The following GPRC6A variants were observed in gnomAD, a reference collection of about 807,000 sequenced individuals.
The protein encoded by GPRC6A is G protein-coupled receptor class C group 6 member A, also known as G protein-coupled receptor family C group 6 member A.
Under a neutral mutation model 47.0 loss-of-function variants are expected in GPRC6A, and 54 were observed. That is an observed-to-expected ratio of 1.15 (90% CI 0.92 to 1.44). GPRC6A has a LOEUF of 1.44. GPRC6A is among the 40% of genes most tolerant of loss of function. The pLI is 0.00. For missense variants in GPRC6A, 1,112 were observed against 1,105.5 expected (o/e 1.01, Z -0.08); for synonymous variants, 347 against 377.1 (o/e 0.92, Z 0.93).
Position 116,820,674 on chromosome 6 carries a change from A to G in GPRC6A, c.194+8146T>C, listed in dbSNP as rs922673287. ...AATTCAACAACCCTTCATGCTAAAA[A>G]CTCTCAATAAATTAGGTATTGATGT... On this transcript the variant is annotated intron_variant, in intron 1 of 5. Transcript: ENST00000310357. Among the ~76,000 whole-genome samples, 23 of 151,542 alleles carry G rather than the reference A, an allele frequency of 1.5e-4. 1 individual carries two copies. Among genetic ancestry groups the G allele is most frequent in the Admixed American group, 1.2e-3 (18 of 15,182 alleles).
chr6:116,807,081 C>G lies in GPRC6A; in HGVS notation c.624G>C (p.Trp208Cys), dbSNP rs1039263992. The change falls in exon 3 of 6, where the codon TGG becomes TGC. Residue 208 changes from tryptophan (W) to cysteine (C), a missense_variant. Trp to Cys is a radical substitution (Grantham distance 215, BLOSUM62 -2). Coordinates refer to ENST00000310357, the MANE Select transcript of GPRC6A (RefSeq NM_148963.4). ...CTGTGGTTATGATGCCAATCCAGTT[C>G]CAACCAGATTTCTGAATCAGGTGAG... ...AMAHLIQKSGWNWIGIITTDD... is the reference protein window; with the variant it reads ...AMAHLIQKSGCNWIGIITTDD... 7 of 1,613,504 alleles carry G rather than the reference C, an allele frequency of 4.3e-6. No homozygotes were observed. Among genetic ancestry groups the G allele is most frequent in the African/African-American group, 1.3e-5 (1 of 74,862 alleles).
At chr6:116,798,509 C>G (rs983773877) in intron 4 of GPRC6A, among the ~76,000 whole-genome samples, 4 of 152,090 alleles carry the variant, frequency 2.6e-5, no homozygotes, top group Non-Finnish European at 4.4e-5. Flanking sequence ...ATGGCTTTTA[C>G]TCTCAGAGAA....
At chr6:116,818,512 C>T (rs1334040541) in intron 1 of GPRC6A, among the ~76,000 whole-genome samples, 12 of 76,126 alleles carry the variant, frequency 1.6e-4, no homozygotes, top group South Asian at 1.2e-3. Flanking sequence ...CCAGCCTGGG[C>T]GACAGAGCGA....
chr6:116,828,388 G>GA (rs71272370), intron 1 of GPRC6A, among the ~76,000 whole-genome samples: 37,572 of 151,460 alleles, frequency 0.25, 5,162 homozygotes, highest in Non-Finnish European at 0.31. Flanking sequence ...ATGCAGTGTT[G>GA]AAAAAAAATG....
intron 4 of GPRC6A, among the ~76,000 whole-genome samples, chr6:116,799,603 T>C (rs918421455): frequency 6.6e-6 from 1 of 152,220 alleles, no homozygotes; most frequent in East Asian, 1.9e-4. Context: ...CAAAAGAGTA[T>C]AGGAGGAGAG....
At chr6:116,807,404 T>C (rs1361711861) in intron 2 of GPRC6A, among the ~76,000 whole-genome samples, 198 bp from the exon 3 acceptor site, 2 of 152,210 alleles carry the variant, frequency 1.3e-5, no homozygotes, top group Non-Finnish European at 2.9e-5. Flanking sequence ...TTTTGTTTAG[T>C]ATAGGCCCTC....
Position 116,818,532 on chromosome 6 carries a change from TAAAAAAAAAAAAAAAAAAAAAAAA to T in GPRC6A, c.195-8939_195-8916del, listed in dbSNP as rs35974500. On this transcript the variant is annotated intron_variant, in intron 1 of 5. Coordinates refer to ENST00000310357, the MANE Select transcript of GPRC6A (RefSeq NM_148963.4). ...CTGGGCGACAGAGCGAGACTCCGTC[TAAAAAAAAAAAAAAAAAAAAAAAA>T]AAAAAAAAAAAAAAGAATTTTCAAC... 0.017 allele frequency among the ~76,000 whole-genome samples: 258 copies of T among 15,510 alleles called. 20 individuals carry two copies. The East Asian group carries it at 0.28, about 17-fold the overall frequency. The allele number at this position is 15,510 out of a possible 152,430, so 10.2% of individuals were successfully genotyped here.
chr6:116,818,532 TAAAAAAAAAAAAAAAAAAAA>T (rs35974500), intron 1 of GPRC6A, among the ~76,000 whole-genome samples: 6 of 15,508 alleles, frequency 3.9e-4, no homozygotes, highest in Admixed American at 8.4e-4. Context: ...AGACTCCGTC[TAAAAAAAAAAAAAAAAAAAA>T]AAAAAAAAAA....
At chr6:116,796,049 A>G (rs1031926431) in intron 4 of GPRC6A, among the ~76,000 whole-genome samples, 1 of 152,166 alleles carries the variant, frequency 6.6e-6, no homozygotes, top group South Asian at 2.1e-4. Flanking sequence ...TGTTGCATTA[A>G]TAACTTCTGT....
chr6:116,806,411 C>A lies in GPRC6A; in HGVS notation c.1294G>T (p.Ala432Ser), dbSNP rs989537104. 3.7e-6 allele frequency: 6 copies of A among 1,613,042 alleles called. No individual in the cohort carries two copies. The African/African-American group carries it at 8.0e-5, about 22-fold the overall frequency. ...GCGTTGGGGTTCTGACAGTCACGAG[C>A]TTGACACAGATCCCGAATGGCATAA... is the stretch of plus-strand genomic sequence containing the variant. ...LGYAIRDLCQ[A>S]RDCQNPNAFQ... Residue 432 changes from alanine (A) to serine (S), a missense_variant, in exon 3 of 6, where the codon GCT (alanine) becomes TCT (serine). Physicochemically the swap from Ala to Ser is moderately conservative, Grantham distance 99. Coordinates refer to ENST00000310357, the MANE Select transcript of GPRC6A (RefSeq NM_148963.4).
intron 3 of GPRC6A, among the ~76,000 whole-genome samples, chr6:116,802,169 A>G (rs1408157225): frequency 2.0e-5 from 3 of 152,190 alleles, no homozygotes; most frequent in African/African-American, 4.8e-5. Context: ...ATAAAATTGT[A>G]TAATGTAAAT....
At chr6:116,817,008 G>A (rs1721321261) in intron 1 of GPRC6A, among the ~76,000 whole-genome samples, 1 of 152,224 alleles carries the variant, frequency 6.6e-6, no homozygotes, top group Non-Finnish European at 1.5e-5. Flanking sequence ...AAAGCAGCCG[G>A]GAAGCTTGAA....
intron 1 of GPRC6A, among the ~76,000 whole-genome samples, chr6:116,817,163 G>A (rs1200762566): frequency 6.6e-6 from 1 of 151,750 alleles, no homozygotes; most frequent in Admixed American, 6.6e-5. Context: ...GAGAGCAGTG[G>A]TTCTCCCAGC....
chr6:116,806,621 A>T lies in GPRC6A; in HGVS notation c.1084T>A (p.Ser362Thr). 1 of 1,613,464 alleles carries T rather than the reference A, an allele frequency of 6.2e-7. No homozygotes were observed. The highest frequency in any genetic ancestry group is 8.5e-7 in the Non-Finnish European group (1 of 1,179,598). The part of the protein sequence containing the change: ...KLLHEYAMHL[S>T]ACAYVKDTDL... ...GTGTCCTTGACATATGCGCAGGCAGATAAATGCATGGCATATTCATGTAAG... is the reference window on the plus strand; with the variant it reads ...GTGTCCTTGACATATGCGCAGGCAGTTAAATGCATGGCATATTCATGTAAG... Residue 362 changes from serine (S) to threonine (T), a missense_variant, in exon 3 of 6, where the codon TCT becomes ACT. By Grantham distance (58) the Ser-to-Thr change is moderately conservative. Transcript: ENST00000310357.
intron 1 of GPRC6A, among the ~76,000 whole-genome samples, chr6:116,820,159 A>T (rs1015421087): frequency 3.3e-5 from 5 of 151,286 alleles, no homozygotes; most frequent in African/African-American, 7.3e-5. Flanking sequence ...CTAAACCAGG[A>T]AGAAGTTGAA....
intron 1 of GPRC6A, among the ~76,000 whole-genome samples, chr6:116,813,032 C>T (rs181084597): frequency 0.011 from 1,678 of 152,160 alleles, 28 homozygotes; most frequent in Admixed American, 0.04. Context: ...AATAAAATAC[C>T]TAGGAATCCA....
At chr6:116,811,079 C>A (rs1773008907) in intron 1 of GPRC6A, among the ~76,000 whole-genome samples, 1 of 152,178 alleles carries the variant, frequency 6.6e-6, no homozygotes, top group Non-Finnish European at 1.5e-5. Context: ...ATTGCTAACA[C>A]CACTTGGGCT....
intron 4 of GPRC6A, 96 bp downstream of exon 4, chr6:116,800,488 G>T: frequency 2.8e-6 from 2 of 702,206 alleles, no homozygotes; most frequent in Non-Finnish European, 5.2e-6. Flanking sequence ...GATTGTGTTT[G>T]GCCAGATGAG....
At chr6:116,812,027 C>G (rs1167194648) in intron 1 of GPRC6A, among the ~76,000 whole-genome samples, 1 of 152,204 alleles carries the variant, frequency 6.6e-6, no homozygotes, top group East Asian at 1.9e-4. Flanking sequence ...GGAGGCCCAG[C>G]AATCCCTAAA....
Sources: allele counts gnomAD v4.1 joint callset (sites outside exome capture counted in the v4.1 genomes callset), GRCh38; gene constraint gnomAD v4.1.1; transcripts MANE v1.5; gene names NCBI Gene and HGNC (gene_info 2026-07-23, HGNC 2026-07-21).